The following CACNB1 variants were observed in gnomAD, a reference collection of about 807,000 sequenced individuals.
CACNB1 encodes voltage-dependent L-type calcium channel subunit beta-1.
A neutral mutation model predicts 71.6 loss-of-function variants in CACNB1; 29 were observed. The ratio of observed to expected loss-of-function variants is 0.40; its 90% CI spans 0.30 to 0.55. The LOEUF (loss-of-function observed/expected upper bound fraction) is 0.55, where lower values mean the gene tolerates loss of function less well. Ranked by LOEUF, CACNB1 falls within the 20% of genes least tolerant of loss-of-function variation. The pLI, the probability that CACNB1 is intolerant of heterozygous loss-of-function variation, is 0.38. For synonymous variants in CACNB1, 300 were observed against 319.6 expected (o/e 0.94, Z 0.65); for missense variants, 623 against 801.8 (o/e 0.78, Z 2.69).
chr17:39,187,814 G>C (rs1036964913), intron 3 of CACNB1, among the ~76,000 whole-genome samples: 5 of 152,070 alleles, frequency 3.3e-5, no homozygotes, highest in African/African-American at 9.7e-5. Context: ...AGGAGTCCGA[G>C]ACCAGCCTGA....
At chr17:39,190,146 G>A (rs1384708662) in intron 3 of CACNB1, among the ~76,000 whole-genome samples, 1 of 151,728 alleles carries the variant, frequency 6.6e-6, no homozygotes, top group Non-Finnish European at 1.5e-5. Flanking sequence ...AAGGGGCTGG[G>A]CACAGTGGCC....
rs902644662 is a variant in CACNB1, at chr17:39,180,433, T to A, written c.1051-2354A>T. On this transcript the variant is annotated intron_variant, in intron 11 of 13. Coordinates refer to ENST00000394303, the MANE Select transcript of CACNB1 (RefSeq NM_000723.5). Reference sequence around the variant, plus strand: ...ACTTTGGGAGGCTGAGACAGGTGGATCTTTTGAGGTCGGGAGTTCGAGACC... The same window carrying A: ...ACTTTGGGAGGCTGAGACAGGTGGAACTTTTGAGGTCGGGAGTTCGAGACC... 2.0e-5 allele frequency among the ~76,000 whole-genome samples: 3 copies of A among 151,890 alleles called. No individual in the cohort carries two copies. The East Asian group carries it at 5.8e-4, about 29-fold the overall frequency.
chr17:39,189,155 G>A (rs2046012309), intron 3 of CACNB1, among the ~76,000 whole-genome samples: 1 of 151,484 alleles, frequency 6.6e-6, no homozygotes, highest in African/African-American at 2.4e-5. Flanking sequence ...ATGAAGTCAG[G>A]AGTTCGAGAC....
At chr17:39,187,789 G>A (rs1367934911) in intron 3 of CACNB1, among the ~76,000 whole-genome samples, 188 bp from the exon 4 acceptor site, 1 of 152,168 alleles carries the variant, frequency 6.6e-6, no homozygotes, top group Non-Finnish European at 1.5e-5. Context: ...CAAGGTACGT[G>A]GATCATCTGA....
intron 2 of CACNB1, 28 bp from the exon 3 acceptor site, chr17:39,191,621 C>A: frequency 5.0e-6 from 8 of 1,602,030 alleles, no homozygotes; most frequent in Non-Finnish European, 6.8e-6. Flanking sequence ...CAGATCAGGG[C>A]CATTGCTGCC....
At position 39,177,303 on chromosome 17, in the gene CACNB1, C is replaced by T. The variant is rs751255426; in HGVS notation, c.1332+47G>A. The T allele has an allele frequency of 1.9e-6, 3 of 1,611,274 alleles. No individual in the cohort carries two copies. In the Admixed American group the frequency reaches 5.0e-5, roughly 27 times the overall value. ...ACTGCCCCGCTGTGAGGACTCCAGCCCGCCCCAGAAGCCGAGGTTTCTCCT... is the reference window on the plus strand; with the variant it reads ...ACTGCCCCGCTGTGAGGACTCCAGCTCGCCCCAGAAGCCGAGGTTTCTCCT... On this transcript the variant is annotated intron_variant, in intron 13 of 13. Transcript: ENST00000394303.
Position 39,177,193 on chromosome 17 carries a change from C to T in CACNB1, c.1332+157G>A. On this transcript the variant is annotated intron_variant, in intron 13 of 13. Coordinates refer to ENST00000394303, the MANE Select transcript of CACNB1 (RefSeq NM_000723.5). ...CTCTTCCCTTCCTCCTCCATGTTCC[C>T]TGCACTCCAGTTCCGACCCCAGAGC... The T allele has an allele frequency of 2.0e-6, 3 of 1,491,246 alleles. No individual in the cohort carries two copies. The South Asian group carries it at 4.0e-5, about 20-fold the overall frequency. 92.4% of individuals were successfully genotyped at this position (1,491,246 alleles called of 1,614,324 possible). A position where few individuals can be genotyped will look rare whatever the true frequency, so the allele number is the denominator to read the frequency against.
In CACNB1 at chr17:39,183,862, C is replaced by A; in HGVS notation, c.901G>T (p.Glu301Ter). ...ATTCGCTCGATTTCACTCTGCACCT[C>A]AGCTGGGGGCATGGAGTCATGTGGA... ...ERSNTRSSLA[E>*]VQSEIERIFE... Residue 301 changes from glutamate to a stop codon, truncating the protein, a stop_gained and splice_region_variant, in exon 11 of 14, where the codon GAG becomes TAG. Transcript: ENST00000394303. LOFTEE classifies it high-confidence loss of function. The A allele has an allele frequency of 6.2e-7, 1 of 1,612,328 alleles. No individual in the cohort carries two copies. Among genetic ancestry groups the A allele is most frequent in the Non-Finnish European group, 8.5e-7 (1 of 1,178,744 alleles).
At chr17:39,185,939 G>T (rs1254399360) in intron 6 of CACNB1, 3 of 1,609,658 alleles carry the variant, frequency 1.9e-6, no homozygotes, top group Non-Finnish European at 2.5e-6. Context: ...CAAGAACACA[G>T]CGAGAATTAC....
rs1285658144 is a variant in CACNB1 at position 39,175,565 on chromosome 17, G to GCTGCT, written c.1424_1425insAGCAG (p.Pro476AlafsTer86). The GCTGCT allele has an allele frequency of 6.2e-7, 1 of 1,613,178 alleles. No homozygotes were observed. Among genetic ancestry groups the GCTGCT allele is most frequent in the Non-Finnish European group, 8.5e-7 (1 of 1,179,644 alleles). On this transcript the variant is annotated frameshift_variant, in exon 14 of 14. Transcript: ENST00000394303. LOFTEE classifies it high-confidence loss of function. This position sits in a 1 kb window ranked among gnomAD's most constrained non-coding sequence, Gnocchi z 4.7. ...GGTGGCTGCTGGGGTAAAGGCCTGG[G>GCTGCT]GGCTGGCCCAGCTCCCCTGGGTACT...
At chr17:39,182,745 A>AAATAAATCAATC (rs1555581445) in intron 11 of CACNB1, 1 of 141,960 alleles carries the variant, frequency 7.0e-6, no homozygotes, top group Admixed American at 7.0e-5. Flanking sequence ...ATAAATAAAT[A>AAATAAATCAATC]AATCAGAGAG....
rs752654114 is a variant in CACNB1, at chr17:39,186,078, C to G, written c.628+418G>C. 1.2e-6 allele frequency: 2 copies of G among 1,613,858 alleles called. No individual in the cohort carries two copies. The highest frequency in any genetic ancestry group is 8.5e-7 in the Non-Finnish European group (1 of 1,179,940). ...TCCTCTAACTCTAGGGGGTCTAGTT[C>G]AAAGGCTAAGTTAGTCATTTCATTA... On this transcript the variant is annotated intron_variant, in intron 6 of 13. Coordinates refer to ENST00000394303, the MANE Select transcript of CACNB1 (RefSeq NM_000723.5). The surrounding 1 kb of genome is among the most constrained non-coding windows in gnomAD (Gnocchi z 4.1).
At position 39,175,354 on chromosome 17, in the gene CACNB1, C is replaced by T; in HGVS notation, c.1636G>A (p.Gly546Arg). 6.2e-7 allele frequency: 1 copy of T among 1,614,196 alleles called. No homozygotes were observed. The highest frequency in any genetic ancestry group is 8.5e-7 in the Non-Finnish European group (1 of 1,180,042). The change falls in exon 14 of 14, where the codon GGA (glycine) becomes AGA (arginine). Residue 546 changes from glycine to arginine, a missense_variant. By Grantham distance (125) the Gly-to-Arg change is moderately radical. Coordinates refer to ENST00000394303, the MANE Select transcript of CACNB1 (RefSeq NM_000723.5). The surrounding 1 kb of genome is among the most constrained non-coding windows in gnomAD (Gnocchi z 4.7). The stretch of plus-strand genomic sequence containing the variant: ...TCTTCTTCCTCGTCCTCCCAGGATC[C>T]CTGTCGGGCTGGGGGCGTGCCGCCC... ...AGGGTPPARQ[G>R]SWEDEEEDYE...
chr17:39,181,954 A>C (rs1215862037), intron 11 of CACNB1, among the ~76,000 whole-genome samples: 1 of 152,100 alleles, frequency 6.6e-6, no homozygotes, highest in Non-Finnish European at 1.5e-5. Context: ...CGAGGTCAGG[A>C]GTTCAAGACC....
intron 1 of CACNB1, among the ~76,000 whole-genome samples, chr17:39,195,434 C>T (rs537680147): frequency 6.6e-6 from 1 of 152,142 alleles, no homozygotes; most frequent in Non-Finnish European, 1.5e-5. Context: ...GTGTTGGTGG[C>T]CCCCAGAGAG....
chr17:39,191,382 C>G (rs1211967013), intron 3 of CACNB1, 92 bp downstream of exon 3: 1 of 1,355,750 alleles, frequency 7.4e-7, no homozygotes, highest in African/African-American at 1.5e-5. Context: ...GTGGCTGGGT[C>G]AAGACTTGGC....
chr17:39,183,989 C>T (rs761159262), intron 10 of CACNB1, 42 bp downstream of exon 10: 58 of 1,553,174 alleles, frequency 3.7e-5, no homozygotes, highest in East Asian at 2.5e-4. Context: ...CTCCCACATC[C>T]GGCCCAGAAA....
In CACNB1 at chr17:39,186,946, A is replaced by T; in HGVS notation, c.415-17T>A. ...ATTGTATTTCTGCAAAGAATATGGC[A>T]GGTGGGTGGAAAGAGCAAGAGGGAA... On this transcript the variant is annotated splice_polypyrimidine_tract_variant and intron_variant, in intron 4 of 13. Transcript: ENST00000394303. The surrounding 1 kb of genome is among the most constrained non-coding windows in gnomAD (Gnocchi z 4.1). The T allele has an allele frequency of 6.2e-7, 1 of 1,612,426 alleles. No individual in the cohort carries two copies. The highest frequency in any genetic ancestry group is 1.3e-5 in the African/African-American group (1 of 75,034).
chr17:39,189,064 T>C (rs1183012156), intron 3 of CACNB1, among the ~76,000 whole-genome samples: 2 of 148,780 alleles, frequency 1.3e-5, no homozygotes, highest in Non-Finnish European at 3.0e-5. Flanking sequence ...CAAAATAAAT[T>C]AATTAAATAA....
Sources: gnomAD v4.1 joint callset for allele counts (sites outside exome capture counted in the v4.1 genomes callset) on GRCh38, gnomAD v4.1.1 for gene constraint, Gnocchi (gnomAD v3.1) non-coding constraint, MANE v1.5 for transcripts, NCBI Gene and HGNC (gene_info 2026-07-23, HGNC 2026-07-21) for gene names.